DDX55: variants seen among roughly 807,000 people sequenced by gnomAD.
DDX55 encodes ATP-dependent RNA helicase DDX55.
Under a neutral mutation model 69.2 loss-of-function variants are expected in DDX55, and 56 were observed. The ratio of observed to expected loss-of-function variants is 0.81; its 90% CI spans 0.65 to 1.01. The LOEUF (loss-of-function observed/expected upper bound fraction) is 1.01, where lower values mean the gene tolerates loss of function less well. DDX55 is among the 50% of genes least tolerant of loss of function. DDX55 has a pLI of 0.00. For missense variants in DDX55, 720 were observed against 745.1 expected (o/e 0.97, Z 0.39); for synonymous variants, 268 against 273.1 (o/e 0.98, Z 0.18).
At chr12:123,606,671 A>G (rs786438) in intron 3 of DDX55, among the ~76,000 whole-genome samples, 127,248 of 150,548 alleles carry the variant, frequency 0.85, 54,142 homozygotes, top group East Asian at 0.97. Context: ...TCTCACTGCA[A>G]CCTCCACCTC....
intron 12 of DDX55, 79 bp from the exon 13 acceptor site, chr12:123,619,353 A>G: frequency 6.6e-7 from 1 of 1,515,772 alleles, no homozygotes; most frequent in Non-Finnish European, 8.8e-7. Flanking sequence ...CTTTGGTTAG[A>G]AAAAAATTAT....
intron 9 of DDX55, 73 bp downstream of exon 9, chr12:123,615,389 C>G: frequency 1.3e-6 from 2 of 1,574,770 alleles, no homozygotes; most frequent in Non-Finnish European, 1.7e-6. Context: ...GCCCCATTCT[C>G]TAGTAGCCTG....
intron 6 of DDX55, 125 bp downstream of exon 6, chr12:123,608,954 TTTATTTATTTG>T: frequency 2.0e-6 from 2 of 983,814 alleles, no homozygotes; most frequent in Non-Finnish European, 2.8e-6. Flanking sequence ...TTATTTATTT[TTTATTTATTTG>T]TTTATTAGAG....
chr12:123,612,526 T>C (rs553640735), intron 7 of DDX55, among the ~76,000 whole-genome samples: 1 of 152,120 alleles, frequency 6.6e-6, no homozygotes, highest in Non-Finnish European at 1.5e-5. Flanking sequence ...ATGATGTACA[T>C]TGCTTTCTGG....
chr12:123,615,405 T>A, intron 9 of DDX55, 89 bp downstream of exon 9: 1 of 1,533,706 alleles, frequency 6.5e-7, no homozygotes, highest in Non-Finnish European at 8.8e-7. Context: ...GCCTGTGCTG[T>A]CCGCATGTGT....
intron 7 of DDX55, among the ~76,000 whole-genome samples, 193 bp downstream of exon 7, chr12:123,610,321 T>C (rs1393605674): frequency 1.3e-5 from 2 of 152,184 alleles, no homozygotes; most frequent in African/African-American, 4.8e-5. Flanking sequence ...TAAATGTATT[T>C]TAAGCACAGT....
chr12:123,616,487 G>A, intron 9 of DDX55, 24 bp from the exon 10 acceptor site: 1 of 1,611,730 alleles, frequency 6.2e-7, no homozygotes, highest in African/African-American at 1.3e-5. Flanking sequence ...TCCTTACTCA[G>A]AATGCTTTTT....
At chr12:123,603,367 G>A (rs1459094857) in intron 1 of DDX55, among the ~76,000 whole-genome samples, 1 of 1,038 alleles carries the variant, frequency 9.6e-4, no homozygotes, top group Non-Finnish European at 0.013. Flanking sequence ...GGAAAGAAAA[G>A]ACTACAGGAC....
At chr12:123,609,705 G>T (rs1954098014) in intron 6 of DDX55, among the ~76,000 whole-genome samples, 1 of 152,050 alleles carries the variant, frequency 6.6e-6, no homozygotes, top group Non-Finnish European at 1.5e-5. Context: ...AGCTTTATGG[G>T]ATATAATTCA....
At position 123,609,928 on chromosome 12, in the gene DDX55, C is replaced by G. The variant is rs1555279098; in HGVS notation, c.552-11C>G. The G allele has an allele frequency of 7.5e-6, 12 of 1,610,660 alleles. No individual in the cohort carries two copies. In the South Asian group the frequency reaches 1.2e-4, roughly 16 times the overall value. ...AAGTGAGCGGTTAAGTGTGAGCCCTCTTTTTATCAGCATCAACACCATTCT... is the reference window on the plus strand; with the variant it reads ...AAGTGAGCGGTTAAGTGTGAGCCCTGTTTTTATCAGCATCAACACCATTCT... On this transcript the variant is annotated splice_polypyrimidine_tract_variant and intron_variant, in intron 6 of 13. Transcript: ENST00000238146.
At chr12:123,613,096 C>A in intron 7 of DDX55, 74 bp from the exon 8 acceptor site, 1 of 1,505,824 alleles carries the variant, frequency 6.6e-7, no homozygotes, top group Non-Finnish European at 9.2e-7. Flanking sequence ...AAATTTAATG[C>A]TGAAACTGAA....
Position 123,603,487 on chromosome 12 carries a change from G to A in DDX55, c.108+1231G>A, listed in dbSNP as rs1953696332. 2.6e-5 allele frequency among the ~76,000 whole-genome samples: 4 copies of A among 151,188 alleles called. No individual in the cohort carries two copies. The Admixed American group carries it at 2.6e-4, about 10-fold the overall frequency. ...GCTCACTGCAACCTCCGCCTCCTGG[G>A]TTCAAGCAATTCTCTGCCTGAACCT... On this transcript the variant is annotated intron_variant, in intron 1 of 13. Coordinates refer to ENST00000238146, the MANE Select transcript of DDX55 (RefSeq NM_020936.3).
intron 3 of DDX55, among the ~76,000 whole-genome samples, chr12:123,606,557 C>T (rs1309687155): frequency 2.7e-5 from 4 of 150,590 alleles, no homozygotes; most frequent in African/African-American, 9.8e-5. Flanking sequence ...TCCTTTTCGT[C>T]ATTTATTTAG....
intron 11 of DDX55, chr12:123,618,232 G>A: frequency 2.5e-6 from 1 of 405,140 alleles, no homozygotes; most frequent in Admixed American, 3.2e-5. Context: ...GGCTGGTCTT[G>A]AACTCCCGAC....
Position 123,619,701 on chromosome 12 carries a change from A to T in DDX55, c.1603A>T (p.Asn535Tyr). The T allele has an allele frequency of 6.3e-7, 1 of 1,575,744 alleles. No individual in the cohort carries two copies. The highest frequency in any genetic ancestry group is 8.5e-7 in the Non-Finnish European group (1 of 1,170,756). ...CAAAAAAGAAAAGAAGAAAAAAATG[A>T]ATGAGAAAAGGAAAAGGGAAGAGGT... is the stretch of plus-strand genomic sequence containing the variant. The part of the protein sequence containing the change: ...KAKKEKKKKM[N>Y]EKRKREEGSD... The change falls in exon 13 of 14, where the codon AAT (asparagine) becomes TAT (tyrosine). Residue 535 changes from asparagine (N) to tyrosine (Y), a missense_variant. Physicochemically the swap from Asn to Tyr is moderately radical, Grantham distance 143 (BLOSUM62 -2). Transcript: ENST00000238146.
At position 123,617,843 on chromosome 12, in the gene DDX55, T is replaced by C; in HGVS notation, c.1135T>C (p.Tyr379His). ...LVFLLPMEES[Y>H]INFLAINQKC... Reference sequence around the variant, plus strand: ...GTTCCTCCTGCCCATGGAAGAGTCATACATCAATTTCCTTGCAATTAACCA... The same window carrying C: ...GTTCCTCCTGCCCATGGAAGAGTCACACATCAATTTCCTTGCAATTAACCA... Residue 379 changes from tyrosine to histidine, a missense_variant, in exon 11 of 14, where the codon TAC (tyrosine) becomes CAC (histidine). Tyr to His is a moderately conservative substitution (Grantham distance 83, BLOSUM62 2). Transcript: ENST00000238146. The C allele has an allele frequency of 6.2e-7, 1 of 1,614,188 alleles. No homozygotes were observed. The highest frequency in any genetic ancestry group is 8.5e-7 in the Non-Finnish European group (1 of 1,180,038).
At chr12:123,615,380 C>T (rs1954579380) in intron 9 of DDX55, 64 bp downstream of exon 9, 2 of 1,586,240 alleles carry the variant, frequency 1.3e-6, no homozygotes, top group African/African-American at 1.3e-5. Context: ...TCCCCAAATG[C>T]CCCATTCTCT....
rs1483452198 is a variant in DDX55, at chr12:123,606,118, G to A, written c.205G>A (p.Glu69Lys). ...ACTCGCTTTTGTCATCCCCATCCTG[G>A]AAATTCTTCTGAGAAGAGAAGAGAA... ...KTLAFVIPILEILLRREEKLK... is the reference protein window; with the variant it reads ...KTLAFVIPILKILLRREEKLK... Residue 69 changes from glutamate (E) to lysine (K), a missense_variant, in exon 3 of 14, where the codon GAA (glutamate) becomes AAA (lysine). Transcript: ENST00000238146. The A allele has an allele frequency of 6.2e-7, 1 of 1,614,154 alleles. No homozygotes were observed. Among genetic ancestry groups the A allele is most frequent in the Admixed American group, 1.7e-5 (1 of 60,010 alleles).
intron 7 of DDX55, among the ~76,000 whole-genome samples, chr12:123,610,605 CTTTT>C (rs35576014): frequency 6.7e-5 from 6 of 90,056 alleles, no homozygotes; most frequent in Non-Finnish European, 1.3e-4. Flanking sequence ...TGCTGAGTTT[CTTTT>C]TTTTTTTTTT....
Sources: gnomAD v4.1 joint callset for allele counts (sites outside exome capture counted in the v4.1 genomes callset) on GRCh38, gnomAD v4.1.1 for gene constraint, MANE v1.5 for transcripts, NCBI Gene and HGNC (gene_info 2026-07-23, HGNC 2026-07-21) for gene names.